The following PPHLN1 variants were observed in gnomAD, a reference collection of about 807,000 sequenced individuals.
The protein encoded by PPHLN1 is periphilin 1.
PPHLN1 carries 29 observed loss-of-function variants against 51.3 expected under a neutral mutation model. The ratio of observed to expected loss-of-function variants is 0.57; its 90% CI spans 0.42 to 0.77. The LOEUF (loss-of-function observed/expected upper bound fraction) is 0.77. PPHLN1 is among the 30% of genes least tolerant of loss of function. The pLI, the probability that PPHLN1 is intolerant of heterozygous loss-of-function variation, is 0.00. For synonymous variants in PPHLN1, 147 were observed against 147.8 expected, an observed-to-expected ratio of 0.99 and a Z score of 0.04; for missense variants, 436 against 438.4, an observed-to-expected ratio of 0.99 and a Z score of 0.05.
chr12:42,362,281 T>C (rs906677927), intron 4 of PPHLN1, among the ~76,000 whole-genome samples: 3 of 152,230 alleles, frequency 2.0e-5, no homozygotes, highest in Non-Finnish European at 2.9e-5. Context: ...TATTAAACTG[T>C]ATGTGATACA....
intron 9 of PPHLN1, among the ~76,000 whole-genome samples, chr12:42,423,679 A>AT (rs11345292): frequency 1.2e-3 from 178 of 147,756 alleles, no homozygotes; most frequent in Middle Eastern, 7.0e-3. Flanking sequence ...TAACATGCAA[A>AT]TTTTTTTTTT....
At chr12:42,331,389 C>T (rs1172678736) in intron 1 of PPHLN1, among the ~76,000 whole-genome samples, 1 of 152,190 alleles carries the variant, frequency 6.6e-6, no homozygotes, top group Non-Finnish European at 1.5e-5. Flanking sequence ...ACTTTGGATT[C>T]AGAGTGTTAA....
chr12:42,396,541 G>A (rs983727205), intron 8 of PPHLN1, among the ~76,000 whole-genome samples: 1 of 142,366 alleles, frequency 7.0e-6, no homozygotes, highest in East Asian at 2.1e-4. Context: ...TGGTAGATGA[G>A]ACCTAGGCAG....
At chr12:42,385,364 G>A (rs576819220) in intron 6 of PPHLN1, among the ~76,000 whole-genome samples, 3 of 152,176 alleles carry the variant, frequency 2.0e-5, no homozygotes, top group African/African-American at 7.2e-5. Flanking sequence ...TCCCATTGTT[G>A]CAACAGGGAC....
At chr12:42,357,029 A>G (rs188551763) in intron 4 of PPHLN1, among the ~76,000 whole-genome samples, 15 of 152,354 alleles carry the variant, frequency 9.8e-5, no homozygotes, top group Admixed American at 7.2e-4. Flanking sequence ...TCAAAATACT[A>G]TAGCATGAAA....
At chr12:42,446,417 T>G (rs1330619324), downstream of PPHLN1, 1 of 1,385,998 alleles carries the variant, frequency 7.2e-7, no homozygotes, top group East Asian at 2.4e-5. Flanking sequence ...TGTGACTTTT[T>G]AGCTAGGAGG....
chr12:42,345,510 AG>A (rs1231272663), intron 2 of PPHLN1, among the ~76,000 whole-genome samples: 3 of 151,976 alleles, frequency 2.0e-5, no homozygotes, highest in Non-Finnish European at 2.9e-5. Context: ...ACTTTGGAGT[AG>A]CAAATCCAAT....
At chr12:42,434,145 A>G (rs971556132) in intron 9 of PPHLN1, among the ~76,000 whole-genome samples, 1 of 152,106 alleles carries the variant, frequency 6.6e-6, no homozygotes, top group Non-Finnish European at 1.5e-5. Flanking sequence ...GTATTTGTGG[A>G]GCTGGAGACC....
At chr12:42,360,766 T>A (rs1421311880) in intron 4 of PPHLN1, among the ~76,000 whole-genome samples, 1 of 152,122 alleles carries the variant, frequency 6.6e-6, no homozygotes, top group Non-Finnish European at 1.5e-5. Flanking sequence ...GTGCTTGGAT[T>A]ACAGGCATGA....
intron 8 of PPHLN1, among the ~76,000 whole-genome samples, chr12:42,397,089 AAAAATTT>A (rs1364838123): frequency 2.7e-5 from 4 of 150,880 alleles, no homozygotes; most frequent in Non-Finnish European, 4.4e-5. Flanking sequence ...GCTGTAGAGG[AAAAATTT>A]AAAATTTACG....
At chr12:42,385,777 A>G (rs1380531613) in intron 6 of PPHLN1, among the ~76,000 whole-genome samples, 3 of 152,136 alleles carry the variant, frequency 2.0e-5, no homozygotes, top group Admixed American at 6.6e-5. Context: ...TCGAGTGCCT[A>G]CCCTTTTCTT....
At chr12:42,356,149 C>G (rs2074027186) in intron 4 of PPHLN1, among the ~76,000 whole-genome samples, 1 of 152,192 alleles carries the variant, frequency 6.6e-6, no homozygotes, top group African/African-American at 2.4e-5. Flanking sequence ...TTCTTATGAA[C>G]TATCAGGGAA....
At chr12:42,432,293 C>T in intron 9 of PPHLN1, 1 of 755,776 alleles carries the variant, frequency 1.3e-6, no homozygotes, top group Non-Finnish European at 2.5e-6. Flanking sequence ...ACTATGAGAC[C>T]TAGAACCAAT....
chr12:42,350,096 G>A (rs1379696877), intron 2 of PPHLN1: 1 of 151,474 alleles, frequency 6.6e-6, no homozygotes, highest in Non-Finnish European at 1.5e-5. Flanking sequence ...CAGACGGGGC[G>A]GCTGCCGGGC....
chr12:42,370,081 G>C (rs1293057113), intron 4 of PPHLN1, among the ~76,000 whole-genome samples: 4 of 152,176 alleles, frequency 2.6e-5, no homozygotes, highest in Non-Finnish European at 5.9e-5. Flanking sequence ...TCTGCTTTCT[G>C]ACTTCTGAAC....
chr12:42,402,709 TTAAAA>T (rs750035461), intron 9 of PPHLN1, among the ~76,000 whole-genome samples: 2 of 152,192 alleles, frequency 1.3e-5, no homozygotes, highest in Non-Finnish European at 2.9e-5. Context: ...GGCTCTTAAA[TTAAAA>T]TAAGTTTTTA....
chr12:42,329,094 ATT>A (rs775555753), intron 1 of PPHLN1, among the ~76,000 whole-genome samples: 38 of 141,320 alleles, frequency 2.7e-4, no homozygotes, highest in Admixed American at 3.5e-4. Flanking sequence ...TGGAATTTCA[ATT>A]TTTTTTTTTT....
chr12:42,369,065 C>T (rs374669625), intron 4 of PPHLN1, among the ~76,000 whole-genome samples: 48 of 152,216 alleles, frequency 3.2e-4, no homozygotes, highest in African/African-American at 1.0e-3. Flanking sequence ...AACACAGCCA[C>T]GCCTATTTTT....
chr12:42,433,947 T>C (rs2082263249), intron 9 of PPHLN1, among the ~76,000 whole-genome samples: 1 of 152,132 alleles, frequency 6.6e-6, no homozygotes, highest in South Asian at 2.1e-4. Context: ...TAAAATTTAT[T>C]TTAAAAAAAC....
Sources: allele counts gnomAD v4.1 joint callset (sites outside exome capture counted in the v4.1 genomes callset), GRCh38; gene constraint gnomAD v4.1.1; transcripts MANE v1.5; gene names NCBI Gene and HGNC (gene_info 2026-07-23, HGNC 2026-07-21).